DCDC2C: variants seen among roughly 807,000 people sequenced by gnomAD.
DCDC2C encodes the protein doublecortin domain-containing protein 2C.
In DCDC2C, 44 loss-of-function variants were observed where a neutral mutation model predicts 45.0. That is an observed-to-expected ratio of 0.98 (90% CI 0.77 to 1.26). The LOEUF is 1.26. Among genes scored for constraint, DCDC2C ranks in the 50% most tolerant of loss-of-function variants. The pLI is 0.00. For missense variants in DCDC2C, 447 were observed against 468.9 expected (o/e 0.95, Z 0.43); for synonymous variants, 187 against 178.8 (o/e 1.05, Z -0.37).
intron 10 of DCDC2C, among the ~76,000 whole-genome samples, chr2:3,806,542 T>A (rs1161067929): frequency 9.4e-6 from 1 of 106,732 alleles, no homozygotes; most frequent in Non-Finnish European, 1.8e-5. Context: ...TATCTTTGAG[T>A]GTCTTTTTTT....
chr2:3,839,145 T>C (rs969666583), intron 10 of DCDC2C, among the ~76,000 whole-genome samples: 1 of 152,240 alleles, frequency 6.6e-6, no homozygotes, highest in Non-Finnish European at 1.5e-5. Context: ...TACTTTTTGA[T>C]GTAACTTGCA....
At position 3,704,047 on chromosome 2, in the gene DCDC2C, G is replaced by A; in HGVS notation, c.287+9G>A. 1 of 1,250,440 alleles carries A rather than the reference G, an allele frequency of 8.0e-7. No individual in the cohort carries two copies. Among genetic ancestry groups the A allele is most frequent in the South Asian group, 3.2e-5 (1 of 31,734 alleles). The allele number at this position is 1,250,440 out of a possible 1,614,324, so 77.5% of individuals were successfully genotyped here. ...CGCTTCAAGGAGCTCGAGTAAGTGC[G>A]CCCGCGCCCCCCACGCGCCCTGCGC... On this transcript the variant is annotated intron_variant, in intron 1 of 10. Coordinates refer to ENST00000399143, the MANE Select transcript of DCDC2C (RefSeq NM_001287444.2).
intron 9 of DCDC2C, among the ~76,000 whole-genome samples, chr2:3,783,484 C>T (rs772714362): frequency 1.6e-4 from 24 of 152,214 alleles, no homozygotes; most frequent in Non-Finnish European, 1.9e-4. Flanking sequence ...CTTCCTACGC[C>T]GTCCAAAGCA....
intron 2 of DCDC2C, among the ~76,000 whole-genome samples, chr2:3,722,691 A>C (rs1668533167): frequency 6.6e-6 from 1 of 152,170 alleles, no homozygotes; most frequent in African/African-American, 2.4e-5. Flanking sequence ...ATTGTTCAGG[A>C]GATTATTTTA....
intron 2 of DCDC2C, among the ~76,000 whole-genome samples, chr2:3,726,353 A>G (rs1668687694): frequency 6.6e-6 from 1 of 152,056 alleles, no homozygotes; most frequent in Admixed American, 6.5e-5. Context: ...GCTTTTCTGC[A>G]CATTCTTAAA....
At chr2:3,752,973 A>G (rs1244305349) in intron 5 of DCDC2C, 73 bp downstream of exon 5, 6 of 1,449,734 alleles carry the variant, frequency 4.1e-6, no homozygotes, top group Non-Finnish European at 4.7e-6. Flanking sequence ...TCTCTCCCAA[A>G]TAGGTCCAGT....
Position 3,703,969 on chromosome 2 carries a change from TG to T in DCDC2C, c.222del (p.Leu75TrpfsTer26). 3 of 1,309,872 alleles carry T rather than the reference TG, an allele frequency of 2.3e-6. No homozygotes were observed. The highest frequency in any genetic ancestry group is 2.9e-6 in the Non-Finnish European group (3 of 1,029,392). 81.1% of individuals were successfully genotyped at this position (1,309,872 alleles called of 1,614,324 possible). On this transcript the variant is annotated frameshift_variant, in exon 1 of 11. Transcript: ENST00000399143. LOFTEE classifies it high-confidence loss of function. The surrounding 1 kb of genome is among the most constrained non-coding windows in gnomAD (Gnocchi z 4.4). ...LFTPTRGHRV[L>X]GLDALQAGGK... Reference sequence around the variant, plus strand: ...ACGCCCACGCGTGGGCACCGGGTGCTGGGGCTGGACGCGCTGCAGGCGGGCG... The same window carrying T: ...ACGCCCACGCGTGGGCACCGGGTGCTGGGCTGGACGCGCTGCAGGCGGGCG...
intron 8 of DCDC2C, among the ~76,000 whole-genome samples, chr2:3,770,798 A>G (rs774370764): frequency 2.0e-5 from 3 of 152,228 alleles, no homozygotes; most frequent in African/African-American, 2.4e-5. Context: ...AAGCATATTC[A>G]TAAGTTTTGG....
intron 10 of DCDC2C, among the ~76,000 whole-genome samples, chr2:3,840,984 A>C (rs534909798): frequency 2.6e-5 from 4 of 152,246 alleles, no homozygotes; most frequent in African/African-American, 9.6e-5. Context: ...ACTGTCTTGC[A>C]TATGGCAGGT....
chr2:3,794,625 T>C (rs1186232648), intron 10 of DCDC2C, among the ~76,000 whole-genome samples: 4 of 152,194 alleles, frequency 2.6e-5, no homozygotes, highest in Non-Finnish European at 5.9e-5. Context: ...GTTTGGTTTT[T>C]TGTTCTTGTG....
At chr2:3,771,452 C>T (rs12471675) in intron 8 of DCDC2C, among the ~76,000 whole-genome samples, 15,432 of 152,234 alleles carry the variant, frequency 0.1, 1,064 homozygotes, top group East Asian at 0.3. Context: ...ACGTGGGAGG[C>T]GCCACTCTCA....
At chr2:3,786,786 T>G (rs1434536832) in intron 10 of DCDC2C, among the ~76,000 whole-genome samples, 6 of 152,264 alleles carry the variant, frequency 3.9e-5, no homozygotes, top group Non-Finnish European at 5.9e-5. Flanking sequence ...TTTTAGCTTT[T>G]CCACTAACTT....
At chr2:3,806,982 C>T (rs573351888) in intron 10 of DCDC2C, among the ~76,000 whole-genome samples, 10 of 152,210 alleles carry the variant, frequency 6.6e-5, no homozygotes, top group East Asian at 1.9e-4. Context: ...AGATGACTGG[C>T]GTTGGGGTGG....
At chr2:3,835,964 G>A (rs557396295) in intron 10 of DCDC2C, among the ~76,000 whole-genome samples, 2 of 152,132 alleles carry the variant, frequency 1.3e-5, no homozygotes, top group East Asian at 1.9e-4. Context: ...GGCTGATCTC[G>A]AACTCCTGGC....
At chr2:3,822,292 C>A (rs186984509) in intron 10 of DCDC2C, among the ~76,000 whole-genome samples, 58 of 152,206 alleles carry the variant, frequency 3.8e-4, no homozygotes, top group African/African-American at 1.1e-3. Context: ...AATTCAGTCT[C>A]TTTACTTGTT....
intron 10 of DCDC2C, among the ~76,000 whole-genome samples, chr2:3,833,786 G>C (rs1399527228): frequency 6.6e-6 from 1 of 152,172 alleles, no homozygotes. Flanking sequence ...TTAATAAAAA[G>C]AAACATAGTA....
At chr2:3,799,263 T>A (rs908896851) in intron 10 of DCDC2C, among the ~76,000 whole-genome samples, 7 of 152,210 alleles carry the variant, frequency 4.6e-5, no homozygotes. Context: ...ATTCTAGTTA[T>A]ACATTCTTCT....
At chr2:3,755,991 T>C (rs1355027605) in intron 6 of DCDC2C, among the ~76,000 whole-genome samples, 1 of 152,068 alleles carries the variant, frequency 6.6e-6, no homozygotes, top group Non-Finnish European at 1.5e-5. Flanking sequence ...GGTATTCATA[T>C]GGAAACATTT....
In DCDC2C at chr2:3,818,164, A is replaced by C. The variant is rs1671599947; in HGVS notation, c.1066-28990A>C. 6.6e-6 allele frequency among the ~76,000 whole-genome samples: 1 copy of C among 152,222 alleles called. No homozygotes were observed. The highest frequency in any genetic ancestry group is 2.4e-5 in the African/African-American group (1 of 41,446). On this transcript the variant is annotated intron_variant, in intron 10 of 10. Transcript: ENST00000399143. This position sits in a 1 kb window ranked among gnomAD's most constrained non-coding sequence, Gnocchi z 4.7. Reference sequence around the variant, plus strand: ...AGGAGGGGCTATAAAGTAGAAGGTCATCAAAATATTTAATAAGATGAGAAG... The same window carrying C: ...AGGAGGGGCTATAAAGTAGAAGGTCCTCAAAATATTTAATAAGATGAGAAG...
Sources: gnomAD v4.1 joint callset for allele counts (sites outside exome capture counted in the v4.1 genomes callset) on GRCh38, gnomAD v4.1.1 for gene constraint, Gnocchi (gnomAD v3.1) non-coding constraint, MANE v1.5 for transcripts, NCBI Gene and HGNC (gene_info 2026-07-23, HGNC 2026-07-21) for gene names.